Variants in OR51B5 observed in about 807,000 individuals in gnomAD.
The protein encoded by OR51B5 is olfactory receptor family 51 subfamily B member 5.
For missense variants in OR51B5, 456 were observed against 374.6 expected, an observed-to-expected ratio of 1.22 and a Z score of -1.79; for synonymous variants, 186 against 144.8, an observed-to-expected ratio of 1.28 and a Z score of -2.04.
chr11:5,459,272 T>C lies in OR51B5; in HGVS notation n.84+46297A>G, dbSNP rs909788076. Among the ~76,000 whole-genome samples the C allele has an allele frequency of 3.7e-4, 57 of 152,288 alleles. 1 individual carries two copies. Among genetic ancestry groups the C allele is most frequent in the Non-Finnish European group, 2.4e-4 (16 of 68,014 alleles). ...AATCACATTTATTGATCTGTGTAGGTTGAACCAGCCTTGCATCCCAGGAAC... is the reference window on the plus strand; with the variant it reads ...AATCACATTTATTGATCTGTGTAGGCTGAACCAGCCTTGCATCCCAGGAAC... On this transcript the variant is annotated intron_variant and non_coding_transcript_variant, in intron 1 of 4. Coordinates refer to the OR51B5 transcript ENST00000415970.
chr11:5,345,401 CAGATGCATTTT>C (rs1564913223), upstream of OR51B5, among the ~76,000 whole-genome samples: 1 of 152,020 alleles, frequency 6.6e-6, no homozygotes, highest in Non-Finnish European at 1.5e-5. Flanking sequence ...TAAACAGAGA[CAGATGCATTTT>C]TGAAGTAGTG....
intron 1 of OR51B5, chr11:5,423,220 A>G (rs1850385147): frequency 6.9e-7 from 1 of 1,440,242 alleles, no homozygotes; most frequent in Non-Finnish European, 9.2e-7. Flanking sequence ...TATATTCAGA[A>G]TTAGGAAACT....
chr11:5,413,024 G>T (rs1850174833), intron 1 of OR51B5, among the ~76,000 whole-genome samples: 1 of 90,262 alleles, frequency 1.1e-5, no homozygotes, highest in South Asian at 4.3e-4. Context: ...CAGCCTTACT[G>T]GGAGGCACCC....
chr11:5,357,486 G>C (rs11036984), intron 1 of OR51B5, among the ~76,000 whole-genome samples: 21,857 of 151,950 alleles, frequency 0.14, 2,066 homozygotes, highest in Non-Finnish European at 0.21. Context: ...CAAGTCCTTA[G>C]AGACCTACAA....
intron 1 of OR51B5, among the ~76,000 whole-genome samples, chr11:5,412,518 A>G (rs1564805021): frequency 1.3e-5 from 2 of 152,232 alleles, no homozygotes; most frequent in Non-Finnish European, 2.9e-5. Context: ...GCAAGGGGTC[A>G]GGGAGTTCCC....
At chr11:5,501,336 C>T (rs950441291) in intron 1 of OR51B5, among the ~76,000 whole-genome samples, 2 of 147,968 alleles carry the variant, frequency 1.4e-5, no homozygotes, top group Admixed American at 7.0e-5. Flanking sequence ...CTGTGTCCTT[C>T]GAGTAGATTC....
At chr11:5,446,073 A>G (rs10768961) in intron 1 of OR51B5, among the ~76,000 whole-genome samples, 73,577 of 151,704 alleles carry the variant, frequency 0.49, 19,386 homozygotes, top group Non-Finnish European at 0.59. Context: ...TTTGGACACA[A>G]GAAGGGGAAC....
At chr11:5,405,938 CAAG>C (rs1482436582) in intron 1 of OR51B5, among the ~76,000 whole-genome samples, 1 of 152,082 alleles carries the variant, frequency 6.6e-6, no homozygotes, top group Non-Finnish European at 1.5e-5. Context: ...AGTAAATCCA[CAAG>C]AAGAATCATT....
chr11:5,460,465 C>G (rs888928118), intron 1 of OR51B5, among the ~76,000 whole-genome samples: 1 of 46,176 alleles, frequency 2.2e-5, no homozygotes, highest in African/African-American at 8.0e-5. Context: ...CTTAAAATGG[C>G]TGTGTCATCT....
chr11:5,385,825 GAATA>G (rs1370059023), intron 1 of OR51B5, among the ~76,000 whole-genome samples: 3 of 148,172 alleles, frequency 2.0e-5, no homozygotes, highest in African/African-American at 4.9e-5. Flanking sequence ...AGTATATAAA[GAATA>G]TATAATGTAT....
At chr11:5,390,424 A>C (rs1282390990) in intron 1 of OR51B5, 1 of 1,478,012 alleles carries the variant, frequency 6.8e-7, no homozygotes, top group East Asian at 2.4e-5. Flanking sequence ...AGAAGGCCCC[A>C]AATTGGACTG....
At chr11:5,373,250 C>A (rs2736549) in intron 1 of OR51B5, among the ~76,000 whole-genome samples, 2 of 152,082 alleles carry the variant, frequency 1.3e-5, no homozygotes, top group Non-Finnish European at 2.9e-5. Flanking sequence ...ATATCAGTCT[C>A]GGCAATTTTT....
chr11:5,429,934 G>A (rs1195721676), intron 1 of OR51B5, among the ~76,000 whole-genome samples: 4 of 152,102 alleles, frequency 2.6e-5, no homozygotes, highest in African/African-American at 9.7e-5. Context: ...TTCAGTTGAG[G>A]TCTTTTGGTC....
Position 5,422,946 on chromosome 11 carries a change from C to T in OR51B5, n.85-76036G>A, listed in dbSNP as rs371069677. The T allele has an allele frequency of 1.1e-5, 17 of 1,613,952 alleles. No individual in the cohort carries two copies. The African/African-American group carries it at 2.0e-4, about 19-fold the overall frequency. On this transcript the variant is annotated intron_variant and non_coding_transcript_variant, in intron 1 of 4. Transcript: ENST00000415970. ...AATAACTGCCTGTCCCACATTCTAG[C>T]TGTCCTGGTCCTCTACATTCCCATG...
intron 1 of OR51B5, among the ~76,000 whole-genome samples, chr11:5,396,552 T>TAGAAG (rs1554887417): frequency 5.1e-4 from 77 of 151,206 alleles, no homozygotes; most frequent in African/African-American, 1.7e-3. Context: ...CTCAAGGAAA[T>TAGAAG]AAGATACAAA....
intron 1 of OR51B5, among the ~76,000 whole-genome samples, chr11:5,425,524 T>G (rs1850434832): frequency 6.6e-6 from 1 of 152,196 alleles, no homozygotes. Context: ...TTTGCATGTG[T>G]GTGTGGCGAG....
At chr11:5,476,231 T>C (rs1176581863) in intron 1 of OR51B5, among the ~76,000 whole-genome samples, 3 of 152,230 alleles carry the variant, frequency 2.0e-5, no homozygotes, top group African/African-American at 7.2e-5. Context: ...GAGCTTTATG[T>C]GTTGACTAAT....
At chr11:5,436,112 C>A (rs555144738) in intron 1 of OR51B5, among the ~76,000 whole-genome samples, 8 of 152,014 alleles carry the variant, frequency 5.3e-5, no homozygotes, top group Non-Finnish European at 7.4e-5. Context: ...CTGCATCACA[C>A]GCAAAAAGTA....
intron 1 of OR51B5, among the ~76,000 whole-genome samples, chr11:5,472,624 T>C (rs1253372669): frequency 6.6e-6 from 1 of 152,222 alleles, no homozygotes; most frequent in African/African-American, 2.4e-5. Context: ...CTCTGTGCTC[T>C]GCCATTTCTC....
Sources: allele counts gnomAD v4.1 joint callset (sites outside exome capture counted in the v4.1 genomes callset), GRCh38; gene constraint gnomAD v4.1.1; transcripts MANE v1.5; gene names NCBI Gene and HGNC (gene_info 2026-07-23, HGNC 2026-07-21).